The following CRISPLD2 variants were observed in gnomAD, a reference collection of about 807,000 sequenced individuals.
The protein encoded by CRISPLD2 is cysteine-rich secretory protein LCCL domain-containing 2.
CRISPLD2 carries 47 observed loss-of-function variants against 71.1 expected under a neutral mutation model. The ratio of observed to expected loss-of-function variants is 0.66; its 90% confidence interval spans 0.52 to 0.84. The LOEUF (loss-of-function observed/expected upper bound fraction) is 0.84. Among genes scored for constraint, CRISPLD2 ranks in the 40% least tolerant of loss-of-function variants. The probability of loss-of-function intolerance (pLI) is 0.00; values close to 1 mark genes in which losing one functional copy is unlikely to be tolerated. For missense variants in CRISPLD2, 830 were observed against 651.1 expected, an observed-to-expected ratio of 1.27 and a Z score of -2.99; for synonymous variants, 317 against 250.1, an observed-to-expected ratio of 1.27 and a Z score of -2.52.
chr16:84,887,604 C>T (rs1372895933), intron 13 of CRISPLD2, among the ~76,000 whole-genome samples: 3 of 152,234 alleles, frequency 2.0e-5, no homozygotes, highest in Non-Finnish European at 4.4e-5. Flanking sequence ...AGGCCGGGCG[C>T]GGCGGCTCAC....
chr16:84,874,736 C>G (rs9921904), intron 11 of CRISPLD2, among the ~76,000 whole-genome samples: 8,130 of 152,078 alleles, frequency 0.053, 726 homozygotes, highest in African/African-American at 0.19. Context: ...CCTGTTTATT[C>G]CAGATAATTT....
chr16:84,847,135 C>T (rs532285161), intron 3 of CRISPLD2, among the ~76,000 whole-genome samples: 1 of 152,318 alleles, frequency 6.6e-6, no homozygotes, highest in South Asian at 2.1e-4. Context: ...TTGGAATGGG[C>T]TTTAGACAGC....
chr16:84,850,308 C>A (rs1021761663), intron 4 of CRISPLD2, among the ~76,000 whole-genome samples: 2 of 152,098 alleles, frequency 1.3e-5, no homozygotes, highest in African/African-American at 4.8e-5. Flanking sequence ...TCAGGCTGGT[C>A]TCAAACTCCT....
At chr16:84,866,285 C>G (rs933385411) in intron 6 of CRISPLD2, among the ~76,000 whole-genome samples, 1 of 150,364 alleles carries the variant, frequency 6.7e-6, no homozygotes, top group Non-Finnish European at 1.5e-5. Context: ...ACAGGCTGGA[C>G]TGCAATGGCA....
At chr16:84,847,041 G>A (rs541000073) in intron 3 of CRISPLD2, among the ~76,000 whole-genome samples, 2 of 152,230 alleles carry the variant, frequency 1.3e-5, no homozygotes, top group African/African-American at 2.4e-5. Context: ...ACCTGTGACC[G>A]TGCCATGCCC....
intron 7 of CRISPLD2, among the ~76,000 whole-genome samples, 177 bp from the exon 8 acceptor site, chr16:84,868,674 G>T (rs141468587): frequency 6.6e-6 from 1 of 152,246 alleles, no homozygotes; most frequent in Admixed American, 6.5e-5. Flanking sequence ...ACTGTAAAGC[G>T]GTGGGCCTGG....
chr16:84,847,891 C>T (rs1916959674), intron 3 of CRISPLD2, among the ~76,000 whole-genome samples: 2 of 152,182 alleles, frequency 1.3e-5, no homozygotes, highest in African/African-American at 4.8e-5. Context: ...ATGAATGTCG[C>T]CCTGCAAATG....
At chr16:84,828,788 C>T (rs1916417383) in intron 1 of CRISPLD2, among the ~76,000 whole-genome samples, 1 of 151,948 alleles carries the variant, frequency 6.6e-6, no homozygotes, top group Non-Finnish European at 1.5e-5. Flanking sequence ...TGTTGAATGA[C>T]TATTTTCTTT....
At chr16:84,872,632 T>G in intron 9 of CRISPLD2, 124 bp downstream of exon 9, 1 of 864,338 alleles carries the variant, frequency 1.2e-6, no homozygotes, top group South Asian at 1.6e-5. Flanking sequence ...CTGGCATTTC[T>G]AGAACTGGGG....
In CRISPLD2 at chr16:84,907,726, G is replaced by A. The variant is rs1291410376; in HGVS notation, c.*1084G>A. ...GAGTCTTTGGTACATTCCTCACCGA[G>A]GTTAGCAGCTCAGTTTGTGGTTATG... On this transcript the variant is annotated 3_prime_UTR_variant, in exon 15 of 15. Coordinates refer to ENST00000262424, the MANE Select transcript of CRISPLD2 (RefSeq NM_031476.4). The A allele has an allele frequency of 6.6e-6, 1 of 152,246 alleles. No individual in the cohort carries two copies. The highest frequency in any genetic ancestry group is 1.5e-5 in the Non-Finnish European group (1 of 68,076). The allele number at this position is 152,246 out of a possible 1,614,324, so 9.4% of individuals were successfully genotyped here.
At chr16:84,822,416 T>C (rs1299959876) in intron 1 of CRISPLD2, among the ~76,000 whole-genome samples, 2 of 152,174 alleles carry the variant, frequency 1.3e-5, no homozygotes, top group African/African-American at 4.8e-5. Context: ...GTCAGAAAGT[T>C]TTTGGAGGCA....
chr16:84,849,595 A>T, intron 4 of CRISPLD2, 78 bp downstream of exon 4: 1 of 884,060 alleles, frequency 1.1e-6, no homozygotes, highest in Non-Finnish European at 1.8e-6. Context: ...GGGGATTGTC[A>T]AATCTGTAAA....
chr16:84,833,385 A>G (rs1379807895), intron 1 of CRISPLD2, among the ~76,000 whole-genome samples: 1 of 152,172 alleles, frequency 6.6e-6, no homozygotes, highest in Non-Finnish European at 1.5e-5. Flanking sequence ...GCAAAAGAGA[A>G]CAAAATCTTC....
At chr16:84,898,343 C>T (rs949002724) in intron 14 of CRISPLD2, among the ~76,000 whole-genome samples, 1 of 152,180 alleles carries the variant, frequency 6.6e-6, no homozygotes, top group Non-Finnish European at 1.5e-5. Context: ...CCATTCAAGG[C>T]CGCAGCTGCT....
At chr16:84,900,100 T>C (rs1160807319) in intron 14 of CRISPLD2, among the ~76,000 whole-genome samples, 1 of 152,146 alleles carries the variant, frequency 6.6e-6, no homozygotes, top group Non-Finnish European at 1.5e-5. Flanking sequence ...CTCCTCCTCT[T>C]GGTCCGGAGC....
chr16:84,890,186 C>T (rs775252613), intron 14 of CRISPLD2, among the ~76,000 whole-genome samples: 7 of 151,898 alleles, frequency 4.6e-5, no homozygotes, highest in Non-Finnish European at 1.0e-4. Flanking sequence ...ATGAAACCCC[C>T]GTCTCTACTA....
chr16:84,880,573 A>G lies in CRISPLD2; in HGVS notation c.1294A>G (p.Ile432Val), dbSNP rs1327245068. The change falls in exon 13 of 15, where the codon ATC (isoleucine) becomes GTC (valine). Residue 432 changes from isoleucine to valine, a missense_variant. Transcript: ENST00000262424. ...SYWAPVFGTN[I>V]YADTSSICKT... ...CTGGGCTCCGGTGTTTGGAACCAACATCTATGCAGATGTGAGTAGGATGCA... is the reference window on the plus strand; with the variant it reads ...CTGGGCTCCGGTGTTTGGAACCAACGTCTATGCAGATGTGAGTAGGATGCA... 26 of 1,613,876 alleles carry G rather than the reference A, an allele frequency of 1.6e-5. No individual in the cohort carries two copies. The highest frequency in any genetic ancestry group is 2.2e-5 in the Non-Finnish European group (26 of 1,179,822).
At position 84,838,742 on chromosome 16, in the gene CRISPLD2, G is replaced by A. The variant is rs568351432; in HGVS notation, c.240+7G>A. The A allele has an allele frequency of 8.7e-6, 14 of 1,608,020 alleles. No homozygotes were observed. The highest frequency in any genetic ancestry group is 1.7e-4 in the Middle Eastern group (1 of 5,930). The stretch of plus-strand genomic sequence containing the variant: ...CTCCAACATGGAGTACATGGTGAGC[G>A]CCGGCTCCGGCCGCAGAGGCTGGCA... On this transcript the variant is annotated splice_region_variant and intron_variant, in intron 2 of 14. Transcript: ENST00000262424.
At chr16:84,870,394 A>T (rs1367103768) in intron 8 of CRISPLD2, among the ~76,000 whole-genome samples, 4 of 151,180 alleles carry the variant, frequency 2.6e-5, no homozygotes, top group African/African-American at 9.7e-5. Flanking sequence ...ATCTCGGCTC[A>T]CTGCCACCTC....
Sources: allele counts gnomAD v4.1 joint callset (sites outside exome capture counted in the v4.1 genomes callset), GRCh38; gene constraint gnomAD v4.1.1; transcripts MANE v1.5; gene names NCBI Gene and HGNC (gene_info 2026-07-23, HGNC 2026-07-21).